GSG1L: variants seen among roughly 807,000 people sequenced by gnomAD.
GSG1L encodes the protein GSG1 like.
Under a neutral mutation model 42.1 loss-of-function variants are expected in GSG1L, and 24 were observed. The observed-to-expected ratio is 0.57, with a 90% CI of 0.41 to 0.80. The LOEUF (loss-of-function observed/expected upper bound fraction) is 0.80, where lower values mean the gene tolerates loss of function less well. GSG1L is among the 30% of genes least tolerant of loss of function. The probability of loss-of-function intolerance (pLI) is 0.00; values close to 1 mark genes in which losing one functional copy is unlikely to be tolerated. For missense variants in GSG1L, 445 were observed against 472.2 expected, an observed-to-expected ratio of 0.94 and a Z score of 0.53; for synonymous variants, 215 against 203.5, an observed-to-expected ratio of 1.06 and a Z score of -0.48.
chr16:28,058,703 T>A (rs1322216202), intron 1 of GSG1L, among the ~76,000 whole-genome samples: 6 of 149,528 alleles, frequency 4.0e-5, no homozygotes, highest in African/African-American at 1.5e-4. Context: ...CAACAGATGC[T>A]CCCAACATGA....
chr16:27,904,381 G>A (rs2084295878), intron 2 of GSG1L, among the ~76,000 whole-genome samples: 1 of 152,050 alleles, frequency 6.6e-6, no homozygotes, highest in Non-Finnish European at 1.5e-5. Context: ...TCTAAGTTTT[G>A]CCTAAATGTC....
chr16:27,821,291 A>ATT (rs1025766806), intron 5 of GSG1L, among the ~76,000 whole-genome samples: 1 of 147,096 alleles, frequency 6.8e-6, no homozygotes. Flanking sequence ...GATTTCTTGT[A>ATT]TTTTTTTTTT....
chr16:27,968,232 T>C (rs965371427), intron 1 of GSG1L, among the ~76,000 whole-genome samples: 2 of 152,092 alleles, frequency 1.3e-5, no homozygotes, highest in African/African-American at 4.8e-5. Context: ...AATAAATTAA[T>C]TTTTTTCTTT....
intron 3 of GSG1L, among the ~76,000 whole-genome samples, chr16:27,881,452 G>C (rs933056635): frequency 6.6e-6 from 1 of 152,052 alleles, no homozygotes; most frequent in Non-Finnish European, 1.5e-5. Flanking sequence ...ATGTTAGTCA[G>C]GCTGGTCTCG....
At chr16:27,862,022 G>A (rs771579356) in intron 3 of GSG1L, among the ~76,000 whole-genome samples, 33 of 152,156 alleles carry the variant, frequency 2.2e-4, no homozygotes, top group Non-Finnish European at 3.7e-4. Flanking sequence ...CAGCTTTCTA[G>A]TCACAGGGCA....
intron 2 of GSG1L, among the ~76,000 whole-genome samples, chr16:27,898,865 G>C (rs537954253): frequency 6.6e-6 from 1 of 152,314 alleles, no homozygotes; most frequent in Admixed American, 6.5e-5. Flanking sequence ...GAAGACCAGG[G>C]CCATATTCCC....
chr16:27,791,437 G>A lies in GSG1L; in HGVS notation c.929C>T (p.Pro310Leu). The change falls in exon 7 of 7, where the codon CCC (proline) becomes CTC (leucine). Residue 310 changes from proline to leucine, a missense_variant. Physicochemically the swap from Pro to Leu is moderately conservative, Grantham distance 98 (BLOSUM62 -3). Transcript: ENST00000447459. ...TGGTGCTTCCTGTGCGGAGCTCCGG[G>A]GCCAGGAATCCGCCATGTGTGGCTG... is the stretch of plus-strand genomic sequence containing the variant. ...RHQPHMADSW[P>L]RSSAQEAPEL... The A allele has an allele frequency of 6.6e-7, 1 of 1,517,588 alleles. No homozygotes were observed. The highest frequency in any genetic ancestry group is 1.3e-5 in the South Asian group (1 of 77,968). The allele number at this position is 1,517,588 out of a possible 1,614,324, so 94.0% of individuals were successfully genotyped here.
At chr16:27,871,488 A>G (rs1370395853) in intron 3 of GSG1L, among the ~76,000 whole-genome samples, 1 of 152,126 alleles carries the variant, frequency 6.6e-6, no homozygotes, top group African/African-American at 2.4e-5. Context: ...CAAAAAATAC[A>G]AACAATAGCC....
intron 1 of GSG1L, among the ~76,000 whole-genome samples, chr16:28,033,213 C>A (rs1346851340): frequency 6.6e-6 from 1 of 152,194 alleles, no homozygotes; most frequent in African/African-American, 2.4e-5. Flanking sequence ...CCCTCTCTTA[C>A]CGTCCTCTAG....
chr16:27,814,382 G>A (rs2083069275), intron 5 of GSG1L, among the ~76,000 whole-genome samples: 2 of 152,162 alleles, frequency 1.3e-5, no homozygotes, highest in Non-Finnish European at 2.9e-5. Context: ...AAAAAGCTGG[G>A]ATTACAGGCG....
rs765940957 is a variant in GSG1L, at chr16:27,855,004, A to AT, written c.551-9944dup. ...TTGAGCCCAGGAGTTCAAGGCTGCAATGAGCTATGATCATACCACTACACT... is the reference window on the plus strand; with the variant it reads ...TTGAGCCCAGGAGTTCAAGGCTGCAATTGAGCTATGATCATACCACTACACT... On this transcript the variant is annotated intron_variant, in intron 3 of 6. Transcript: ENST00000447459. Among the ~76,000 whole-genome samples, 41 of 152,262 alleles carry AT rather than the reference A, an allele frequency of 2.7e-4. 1 individual carries two copies. The highest frequency in any genetic ancestry group is 3.4e-3 in the Middle Eastern group (1 of 294).
At chr16:27,901,091 G>A (rs1194960013) in intron 2 of GSG1L, among the ~76,000 whole-genome samples, 1 of 152,210 alleles carries the variant, frequency 6.6e-6, no homozygotes, top group Non-Finnish European at 1.5e-5. Flanking sequence ...TCACACCACT[G>A]CACTCCAGTC....
rs370568430 is a variant in GSG1L at position 27,980,115 on chromosome 16, G to A, written c.350-16912C>T. On this transcript the variant is annotated intron_variant, in intron 1 of 6. Coordinates refer to ENST00000447459, the MANE Select transcript of GSG1L (RefSeq NM_001109763.2). ...TGAGCAGGTGGGGGGAACCTGGCAG[G>A]GCCACAGGCAAAATCAAGGGGGGTG... 1.5e-4 allele frequency among the ~76,000 whole-genome samples: 23 copies of A among 152,200 alleles called. 1 individual carries two copies. Among genetic ancestry groups the A allele is most frequent in the African/African-American group, 5.5e-4 (23 of 41,540 alleles).
At chr16:27,926,148 T>C (rs914613811) in intron 2 of GSG1L, among the ~76,000 whole-genome samples, 1 of 152,212 alleles carries the variant, frequency 6.6e-6, no homozygotes, top group African/African-American at 2.4e-5. Context: ...ACGGGACAGC[T>C]GATGCAGGGC....
chr16:27,911,270 T>G (rs796404177), intron 2 of GSG1L, among the ~76,000 whole-genome samples: 2,062 of 112,708 alleles, frequency 0.018, 55 homozygotes, highest in African/African-American at 0.087. Context: ...TCTCTCGCTC[T>G]CTCTCTCTCT....
In GSG1L at chr16:27,844,944, A is replaced by G; in HGVS notation, c.662+6T>C. The G allele has an allele frequency of 1.3e-6, 2 of 1,566,522 alleles. No individual in the cohort carries two copies. Among genetic ancestry groups the G allele is most frequent in the African/African-American group, 1.4e-5 (1 of 72,522 alleles). ...GAAGCTGCTCTTGTCCTGAAGGTCC[A>G]CTTACCAGAAGGACCACCCGTAGTC... is the stretch of plus-strand genomic sequence containing the variant. On this transcript the variant is annotated splice_donor_region_variant and intron_variant, in intron 4 of 6. Coordinates refer to ENST00000447459, the MANE Select transcript of GSG1L (RefSeq NM_001109763.2).
chr16:28,007,933 C>T (rs1567553727), intron 1 of GSG1L, among the ~76,000 whole-genome samples: 1 of 152,140 alleles, frequency 6.6e-6, no homozygotes, highest in African/African-American at 2.4e-5. Flanking sequence ...ACACACCTGA[C>T]TTAAGAAATG....
Position 28,059,211 on chromosome 16 carries a change from G to A in GSG1L, c.349+3865C>T, listed in dbSNP as rs2086313481. Among the ~76,000 whole-genome samples the A allele has an allele frequency of 6.6e-6, 1 of 152,122 alleles. No individual in the cohort carries two copies. The highest frequency in any genetic ancestry group is 1.5e-5 in the Non-Finnish European group (1 of 68,012). ...CCTGAAACCACGCTGCTAGTAAGAG[G>A]CTGAGCCCAGCCTTGAACTTCCACC... is the stretch of plus-strand genomic sequence containing the variant. On this transcript the variant is annotated intron_variant, in intron 1 of 6. Coordinates refer to ENST00000447459, the MANE Select transcript of GSG1L (RefSeq NM_001109763.2). The surrounding 1 kb of genome is among the most constrained non-coding windows in gnomAD (Gnocchi z 4.4).
chr16:27,815,654 T>A (rs2083086790), intron 5 of GSG1L, among the ~76,000 whole-genome samples: 1 of 152,328 alleles, frequency 6.6e-6, no homozygotes, highest in East Asian at 1.9e-4. Flanking sequence ...GGGCAGTGGC[T>A]CCACTACTCA....
Sources: allele counts gnomAD v4.1 joint callset (sites outside exome capture counted in the v4.1 genomes callset), GRCh38; gene constraint gnomAD v4.1.1; non-coding constraint Gnocchi (gnomAD v3.1); transcripts MANE v1.5; gene names NCBI Gene and HGNC (gene_info 2026-07-23, HGNC 2026-07-21).